LRP1B: variants seen among roughly 807,000 people sequenced by gnomAD.
LRP1B encodes LDL receptor related protein 1B, also known as low-density lipoprotein receptor-related protein 1B.
Under a neutral mutation model 556.6 loss-of-function variants are expected in LRP1B, and 217 were observed. The observed-to-expected ratio is 0.39, with a 90% CI of 0.35 to 0.44. LRP1B has a LOEUF of 0.44. LRP1B is among the 20% of genes least tolerant of loss of function. LRP1B has a pLI of 1.00. For synonymous variants in LRP1B, 2,047 were observed against 1,865.8 expected (o/e 1.10, Z -2.50); for missense variants, 5,053 against 5,620.8 (o/e 0.90, Z 3.23).
At chr2:141,320,795 A>G (rs564914843) in intron 3 of LRP1B, among the ~76,000 whole-genome samples, 2 of 152,184 alleles carry the variant, frequency 1.3e-5, no homozygotes, top group African/African-American at 4.8e-5. Flanking sequence ...AAACTTACAC[A>G]TCCCCAACTA....
chr2:140,316,436 A>G (rs1684522300), intron 82 of LRP1B, among the ~76,000 whole-genome samples: 1 of 152,142 alleles, frequency 6.6e-6, no homozygotes, highest in Non-Finnish European at 1.5e-5. Flanking sequence ...AGAAACTGTC[A>G]GCAGTGCCAT....
intron 3 of LRP1B, among the ~76,000 whole-genome samples, chr2:141,327,468 C>T (rs893186377): frequency 3.3e-5 from 5 of 151,856 alleles, no homozygotes; most frequent in South Asian, 2.1e-4. Context: ...AACTGAGTCT[C>T]GGTAAACCTT....
chr2:141,209,909 T>G (rs1034309606), intron 6 of LRP1B, among the ~76,000 whole-genome samples: 3 of 152,034 alleles, frequency 2.0e-5, no homozygotes, highest in Non-Finnish European at 2.9e-5. Context: ...CTAGCAATTA[T>G]GCAAAAAAGT....
At chr2:140,804,005 A>G (rs902081457) in intron 32 of LRP1B, among the ~76,000 whole-genome samples, 4 of 151,724 alleles carry the variant, frequency 2.6e-5, no homozygotes, top group Admixed American at 1.3e-4. Flanking sequence ...AAAAGCAAAG[A>G]TTCCTTTGAA....
chr2:140,969,513 G>A lies in LRP1B; in HGVS notation c.2887+12647C>T, dbSNP rs1424680476. ...TCTGTGTCTTTAATTGGAGCATTTA[G>A]CCCATTTACATTTAAGGTTAATATT... On this transcript the variant is annotated intron_variant, in intron 18 of 90. Coordinates refer to ENST00000389484, the MANE Select transcript of LRP1B (RefSeq NM_018557.3). Among the ~76,000 whole-genome samples, 3 of 152,068 alleles carry A rather than the reference G, an allele frequency of 2.0e-5. No homozygotes were observed. The East Asian group carries it at 5.8e-4, about 29-fold the overall frequency.
chr2:140,640,672 C>A (rs150026198), intron 41 of LRP1B, among the ~76,000 whole-genome samples: 36 of 151,966 alleles, frequency 2.4e-4, no homozygotes, highest in Non-Finnish European at 8.8e-5. Flanking sequence ...CGTGAGCCAC[C>A]GCACCTGGCT....
At chr2:141,279,856 ATG>A (rs1212749276) in intron 3 of LRP1B, among the ~76,000 whole-genome samples, 1 of 152,100 alleles carries the variant, frequency 6.6e-6, no homozygotes, top group Non-Finnish European at 1.5e-5. Flanking sequence ...GTTTTCAAAC[ATG>A]TTGGTGAAGA....
At position 140,702,030 on chromosome 2, in the gene LRP1B, T is replaced by C; in HGVS notation, c.6302+111A>G. 5.1e-6 allele frequency: 7 copies of C among 1,371,852 alleles called. No individual in the cohort carries two copies. The South Asian group carries it at 9.6e-5, about 19-fold the overall frequency. The allele number at this position is 1,371,852 out of a possible 1,614,324, so 85.0% of individuals were successfully genotyped here. On this transcript the variant is annotated intron_variant, in intron 39 of 90. Coordinates refer to ENST00000389484, the MANE Select transcript of LRP1B (RefSeq NM_018557.3). ...CCTTTTCTGTGGAAATTACTGGCTT[T>C]GTGAGTTCCTTTTTGTGACCTTGCT...
intron 1 of LRP1B, among the ~76,000 whole-genome samples, chr2:141,956,931 A>G (rs1005554594): frequency 6.6e-6 from 1 of 152,014 alleles, no homozygotes; most frequent in Non-Finnish European, 1.5e-5. Context: ...ATAGCCCCCA[A>G]CTAATGACAA....
In LRP1B at chr2:140,726,881, T is replaced by C. The variant is rs760454296; in HGVS notation, c.5759-10065A>G. On this transcript the variant is annotated intron_variant, in intron 35 of 90. Coordinates refer to ENST00000389484, the MANE Select transcript of LRP1B (RefSeq NM_018557.3). ...AATGGTTCATCTTGCATTTTCCTCA[T>C]TTTTGGACACTACATAGAATAATTT... 3.3e-5 allele frequency among the ~76,000 whole-genome samples: 5 copies of C among 152,176 alleles called. 1 individual carries two copies. The South Asian group carries it at 1.0e-3, about 32-fold the overall frequency.
At chr2:141,917,923 G>C (rs1438190678) in intron 1 of LRP1B, among the ~76,000 whole-genome samples, 1 of 152,102 alleles carries the variant, frequency 6.6e-6, no homozygotes, top group Admixed American at 6.6e-5. Context: ...ACAAGAAACA[G>C]CTAACATGTC....
intron 3 of LRP1B, among the ~76,000 whole-genome samples, chr2:141,306,122 AC>A: frequency 1.6e-5 from 2 of 125,500 alleles, no homozygotes; most frequent in South Asian, 4.8e-4. Flanking sequence ...ATGGAAAATT[AC>A]CTACTCTTCA....
chr2:141,386,280 T>G (rs1164323231), intron 3 of LRP1B, among the ~76,000 whole-genome samples: 2 of 152,084 alleles, frequency 1.3e-5, no homozygotes, highest in South Asian at 4.1e-4. Context: ...ACACTTATGG[T>G]TTCAAACATT....
intron 1 of LRP1B, among the ~76,000 whole-genome samples, chr2:141,830,764 GA>G: frequency 6.6e-6 from 1 of 151,730 alleles, no homozygotes; most frequent in Middle Eastern, 3.2e-3. Context: ...TTGACCTCCT[GA>G]AAGTTTGGTG....
intron 27 of LRP1B, among the ~76,000 whole-genome samples, chr2:140,854,069 A>G (rs1187685924): frequency 3.3e-5 from 5 of 151,824 alleles, no homozygotes; most frequent in African/African-American, 9.6e-5. Flanking sequence ...ATAAAAAAAA[A>G]AAAAAAAGAA....
chr2:140,816,035 CTATT>C (rs1168567673), intron 31 of LRP1B, among the ~76,000 whole-genome samples: 1 of 152,006 alleles, frequency 6.6e-6, no homozygotes, highest in Admixed American at 6.6e-5. Context: ...AAATGGCAGA[CTATT>C]TAGTTAATTC....
rs370919427 is a variant in LRP1B, at chr2:140,320,588, A to AT, written c.12640+1374dup. ...TCCTCCAGTGATTTTGGAGCGCTAC[A>AT]TTTTTTTTTTTTCCTTTTTGTGGAG... is the stretch of plus-strand genomic sequence containing the variant. On this transcript the variant is annotated intron_variant, in intron 82 of 90. Transcript: ENST00000389484. Among the ~76,000 whole-genome samples the AT allele has an allele frequency of 4.5e-3, 656 of 145,276 alleles. 2 individuals carry two copies. The highest frequency in any genetic ancestry group is 7.5e-3 in the Admixed American group (109 of 14,450).
intron 7 of LRP1B, among the ~76,000 whole-genome samples, chr2:141,087,018 A>G (rs932056396): frequency 6.6e-6 from 1 of 152,218 alleles, no homozygotes; most frequent in East Asian, 1.9e-4. Context: ...TCCCACTTAC[A>G]TAGCACTGAT....
intron 20 of LRP1B, among the ~76,000 whole-genome samples, chr2:140,939,343 A>G (rs1408090675): frequency 6.6e-6 from 1 of 151,822 alleles, no homozygotes; most frequent in East Asian, 1.9e-4. Flanking sequence ...CCAAAGGAGA[A>G]GTTTCCAAAG....
Sources: gnomAD v4.1 joint callset for allele counts (sites outside exome capture counted in the v4.1 genomes callset) on GRCh38, gnomAD v4.1.1 for gene constraint, MANE v1.5 for transcripts, NCBI Gene and HGNC (gene_info 2026-07-23, HGNC 2026-07-21) for gene names.